TENM1: variants seen among roughly 807,000 people sequenced by gnomAD.
TENM1 encodes the protein teneurin transmembrane protein 1.
A neutral mutation model predicts 174.8 loss-of-function variants in TENM1; 35 were observed. The observed-to-expected ratio is 0.20, with a 90% CI of 0.15 to 0.27. The LOEUF (loss-of-function observed/expected upper bound fraction) is 0.27. Among genes scored for constraint, TENM1 ranks in the 10% least tolerant of loss-of-function variants. The pLI is 1.00. For synonymous variants in TENM1, 781 were observed against 798.7 expected, an observed-to-expected ratio of 0.98 and a Z score of 0.37; for missense variants, 1,633 against 2,130.1, an observed-to-expected ratio of 0.77 and a Z score of 4.59.
intron 18 of TENM1, among the ~76,000 whole-genome samples, chrX:124,510,775 T>TACACACACACACAC (rs755205162): frequency 0.066 from 6,756 of 102,802 alleles, 339 homozygotes; most frequent in African/African-American, 0.17. Flanking sequence ...CATGGGGAGA[T>TACACACACACACAC]ACACACACAC....
intron 3 of TENM1, among the ~76,000 whole-genome samples, chrX:124,882,872 C>T (rs757735697): frequency 1.8e-4 from 20 of 111,793 alleles, no homozygotes; most frequent in Admixed American, 6.6e-4. Flanking sequence ...ATTGATTCTT[C>T]CTATCCATGA....
At chrX:125,162,653 T>C in the TENM1 span, among the ~76,000 whole-genome samples, 1 of 112,018 alleles carries the variant, frequency 8.9e-6, no homozygotes, top group Non-Finnish European at 1.9e-5. Flanking sequence ...CTCAAGTCTT[T>C]TGTTCAATCC....
chrX:124,470,396 GA>G (rs1202802077), intron 22 of TENM1, among the ~76,000 whole-genome samples: 2 of 110,766 alleles, frequency 1.8e-5, no homozygotes, highest in East Asian at 2.8e-4. Flanking sequence ...TTATGTAAGG[GA>G]AAAATATATA....
Position 124,451,866 on chromosome X carries a change from T to C in TENM1, c.4104+1471A>G, listed in dbSNP as rs2061040291. On this transcript the variant is annotated intron_variant, in intron 23 of 31. Transcript: ENST00000422452. ...CCCTTCCTTACACCTTATACAAAAA[T>C]TAATTCAAGATGGATTAAAGACTTA... Among the ~76,000 whole-genome samples, 3 of 111,808 alleles carry C rather than the reference T, an allele frequency of 2.7e-5. No individual in the cohort carries two copies. The Admixed American group carries it at 2.8e-4, about 11-fold the overall frequency.
At chrX:124,855,550 G>C (rs1216286757) in intron 3 of TENM1, among the ~76,000 whole-genome samples, 1 of 111,485 alleles carries the variant, frequency 9.0e-6, no homozygotes, top group African/African-American at 3.2e-5. Context: ...AAATAGAGAT[G>C]TGTAACAAGA....
At chrX:124,492,990 C>T (rs777959251) in intron 20 of TENM1, among the ~76,000 whole-genome samples, 2 of 110,869 alleles carry the variant, frequency 1.8e-5, no homozygotes, top group African/African-American at 6.5e-5. Context: ...AGGATCTCAA[C>T]TCAGAAAAGC....
chrX:124,751,346 T>A (rs191142498), intron 3 of TENM1, among the ~76,000 whole-genome samples: 1 of 111,809 alleles, frequency 8.9e-6, no homozygotes, highest in African/African-American at 3.3e-5. Context: ...ATGAGTCACA[T>A]GTAGGGATTT....
At chrX:124,734,240 C>T (rs1370453337) in intron 4 of TENM1, among the ~76,000 whole-genome samples, 5 of 111,294 alleles carry the variant, frequency 4.5e-5, no homozygotes, top group East Asian at 2.8e-4. Context: ...TCACAAGGTC[C>T]GGAATTCAAG....
rs2060197746 is a variant in TENM1, at chrX:124,384,555, T to C, written c.6376A>G (p.Ile2126Val). 1.7e-6 allele frequency: 2 copies of C among 1,211,499 alleles called. No homozygotes were observed. The highest frequency in any genetic ancestry group is 2.2e-6 in the Non-Finnish European group (2 of 895,240). Residue 2126 changes from isoleucine to valine, a missense_variant, in exon 30 of 32, where the codon ATT (isoleucine) becomes GTT (valine). This residue lies in a region of TENM1 where 807 missense variants were observed against 1,125.3 expected (regional missense o/e 0.72). Coordinates refer to ENST00000422452, the Ensembl canonical transcript of TENM1. ...TATTGAATGGTCATCCAGTAGGCAA[T>C]TGCCTTTAGGATTTCATATTGGACT... is the stretch of plus-strand genomic sequence containing the variant.
chrX:124,589,172 CTT>C (rs2049658422), intron 11 of TENM1, among the ~76,000 whole-genome samples: 1 of 107,185 alleles, frequency 9.3e-6, no homozygotes, highest in African/African-American at 3.4e-5. Flanking sequence ...GGTCATATGA[CTT>C]TTGTTTTTAA....
At chrX:124,987,956 G>A in the TENM1 span, among the ~76,000 whole-genome samples, 1 of 111,228 alleles carries the variant, frequency 9.0e-6, no homozygotes, top group Non-Finnish European at 1.9e-5. Flanking sequence ...TTTTACCAGA[G>A]TTGAAAGGTG....
intron 1 of TENM1, among the ~76,000 whole-genome samples, chrX:124,910,710 C>T (rs1033666455): frequency 3.0e-4 from 33 of 111,333 alleles, no homozygotes; most frequent in African/African-American, 9.5e-4. Flanking sequence ...CCTCTCCCTC[C>T]CCATATTCAG....
chrX:125,039,579 T>A, the TENM1 span, among the ~76,000 whole-genome samples: 1 of 111,335 alleles, frequency 9.0e-6, no homozygotes, highest in Non-Finnish European at 1.9e-5. Flanking sequence ...TAGGTAAACC[T>A]GAACCTAATA....
chrX:124,630,826 G>A (rs2148347351), intron 11 of TENM1, among the ~76,000 whole-genome samples: 1 of 112,119 alleles, frequency 8.9e-6, no homozygotes, highest in South Asian at 3.7e-4. Flanking sequence ...GGTCTATGAG[G>A]ATGTTAAATA....
intron 11 of TENM1, among the ~76,000 whole-genome samples, chrX:124,625,684 G>T: frequency 1.8e-5 from 2 of 110,723 alleles, no homozygotes; most frequent in Middle Eastern, 4.6e-3. Flanking sequence ...GGGGGAGGAA[G>T]GTGTCTCACA....
the TENM1 span, among the ~76,000 whole-genome samples, chrX:125,152,566 C>T: frequency 2.7e-5 from 3 of 112,064 alleles, no homozygotes; most frequent in South Asian, 3.7e-4. Context: ...TATAGCCATA[C>T]AGTTCTAGGA....
chrX:124,485,306 C>T, intron 21 of TENM1, among the ~76,000 whole-genome samples: 1 of 111,009 alleles, frequency 9.0e-6, no homozygotes, highest in Non-Finnish European at 1.9e-5. Context: ...ATAACAGGTG[C>T]TGTAAATAAA....
intron 22 of TENM1, 79 bp downstream of exon 25, chrX:124,481,653 G>A (rs747917813): frequency 1.4e-5 from 4 of 277,726 alleles, no homozygotes; most frequent in East Asian, 1.3e-4. Context: ...CAACAGTCTC[G>A]GGATTTTGTA....
Position 124,497,029 on chromosome X carries a change from T to C in TENM1, c.3682A>G (p.Ile1228Val), listed in dbSNP as rs138501254. 9.1e-6 allele frequency: 11 copies of C among 1,208,276 alleles called. No individual in the cohort carries two copies. The African/African-American group carries it at 1.6e-4, about 17-fold the overall frequency. The change falls in exon 20 of 32, where the codon ATT becomes GTT. Residue 1228 changes from isoleucine (I) to valine (V), a missense_variant. Physicochemically the swap from Ile to Val is conservative, Grantham distance 29. Coordinates refer to ENST00000422452, the Ensembl canonical transcript of TENM1. The stretch of plus-strand genomic sequence containing the variant: ...GAGAAGACTTACCTTAATTCCAAAA[T>C]ACTAACGGAGTTTCCCGAGGGAAAT...
Sources: gnomAD v4.1 joint callset for allele counts (sites outside exome capture counted in the v4.1 genomes callset) on GRCh38, gnomAD v4.1.1 for gene constraint, gnomAD v4.1.1 regional missense constraint, MANE v1.5 for transcripts, NCBI Gene and HGNC (gene_info 2026-07-23, HGNC 2026-07-21) for gene names.